Variants in PRKCH observed in about 807,000 individuals in gnomAD.
PRKCH encodes protein kinase C eta.
A neutral mutation model predicts 82.5 loss-of-function variants in PRKCH; 28 were observed. That is an observed-to-expected ratio of 0.34 (90% confidence interval 0.25 to 0.47). The LOEUF is 0.47. Among genes scored for constraint, PRKCH ranks in the 20% least tolerant of loss-of-function variants. The probability of loss-of-function intolerance (pLI) is 1.00; values close to 1 mark genes in which losing one functional copy is unlikely to be tolerated. For synonymous variants in PRKCH, 322 were observed against 327.4 expected (o/e 0.98, Z 0.18); for missense variants, 705 against 881.8 (o/e 0.80, Z 2.54).
At chr14:61,545,823 A>G (rs2043249026) in intron 12 of PRKCH, among the ~76,000 whole-genome samples, 1 of 152,194 alleles carries the variant, frequency 6.6e-6, no homozygotes. Flanking sequence ...GCTTGGGTTC[A>G]GTGCCAGGGG....
At chr14:61,331,671 A>G (rs1416332591) in intron 1 of PRKCH, among the ~76,000 whole-genome samples, 2 of 152,200 alleles carry the variant, frequency 1.3e-5, no homozygotes, top group Non-Finnish European at 2.9e-5. Flanking sequence ...TCTGGGTCCC[A>G]TTTCCCCGTT....
intron 1 of PRKCH, among the ~76,000 whole-genome samples, chr14:61,259,378 A>T (rs1330701225): frequency 2.6e-5 from 4 of 152,308 alleles, no homozygotes; most frequent in South Asian, 2.1e-4. Flanking sequence ...GAAGATCTTC[A>T]TTCACACTGA....
At chr14:61,406,301 A>AGGGTCAGGTTACAGTTTTTGTGTTAG (rs1555384095) in intron 2 of PRKCH, among the ~76,000 whole-genome samples, 76 of 152,158 alleles carry the variant, frequency 5.0e-4, no homozygotes, top group African/African-American at 1.5e-3. Flanking sequence ...TGCTGCGACA[A>AGGGTCAGGTTACAGTTTTTGTGTTAG]GGGTCAGGTT....
At chr14:61,477,157 C>T (rs1170328113) in intron 9 of PRKCH, 1 of 152,196 alleles carries the variant, frequency 6.6e-6, no homozygotes, top group African/African-American at 2.4e-5. Context: ...TCTCCTTTCC[C>T]CCAGCCGTCA....
At position 61,265,562 on chromosome 14, in the gene PRKCH, T is replaced by G. The variant is rs76120712; in HGVS notation, c.-19+77894T>G. Among the ~76,000 whole-genome samples the G allele has an allele frequency of 2.6e-3, 395 of 152,308 alleles. 3 individuals are homozygous for G. Among genetic ancestry groups the G allele is most frequent in the East Asian group, 0.02 (106 of 5,188 alleles). On this transcript the variant is annotated intron_variant, in intron 1 of 3. Coordinates refer to the PRKCH transcript ENST00000555185. ...TTTTCCAGGTCACATACTTAGGTAT[T>G]GGCAGAAAATGGACCATCACCCAGG...
At chr14:61,269,612 G>A (rs967211558) in intron 1 of PRKCH, among the ~76,000 whole-genome samples, 5 of 152,082 alleles carry the variant, frequency 3.3e-5, no homozygotes, top group Non-Finnish European at 5.9e-5. Context: ...GAGAACATGC[G>A]GTATTTGGTT....
At position 61,216,116 on chromosome 14, in the gene PRKCH, C is replaced by T. The variant is rs531101048; in HGVS notation, c.-19+28448C>T. ...TTCTCTTTACATTTATTTTGTTATT[C>T]AGATCCTAGCCACCTTTTGCTGTCA... On this transcript the variant is annotated intron_variant, in intron 1 of 3. Transcript: ENST00000555185. 3.3e-5 allele frequency among the ~76,000 whole-genome samples: 5 copies of T among 152,212 alleles called. No individual in the cohort carries two copies. The East Asian group carries it at 5.8e-4, about 18-fold the overall frequency.
rs78673621 is a variant in PRKCH at position 61,280,069 on chromosome 14, G to A, written c.-19+92401G>A. The A allele has an allele frequency of 1.8e-3, 2,818 of 1,584,172 alleles. 53 individuals carry two copies. In the African/African-American group the frequency reaches 0.033, roughly 19 times the overall value. On this transcript the variant is annotated intron_variant, in intron 1 of 3. Transcript: ENST00000555185. The surrounding 1 kb of genome is among the most constrained non-coding windows in gnomAD (Gnocchi z 5.0). The stretch of plus-strand genomic sequence containing the variant: ...TTGCAAGAGTTTTGGCAAGAAGCAG[G>A]AGGGATCCCTGGAAAGCCGGAATCA...
intron 1 of PRKCH, among the ~76,000 whole-genome samples, chr14:61,378,878 C>A (rs61686524): frequency 0.088 from 13,332 of 152,250 alleles, 704 homozygotes; most frequent in Non-Finnish European, 0.098. Flanking sequence ...GCTCAGGTCA[C>A]CACTGTCTTT....
At chr14:61,474,707 T>TA (rs1293778259) in intron 9 of PRKCH, among the ~76,000 whole-genome samples, 7 of 152,160 alleles carry the variant, frequency 4.6e-5, no homozygotes, top group African/African-American at 9.7e-5. Context: ...AAGTATAATT[T>TA]TAAAAAAATT....
chr14:61,453,739 G>A (rs541972181), intron 7 of PRKCH, among the ~76,000 whole-genome samples: 11 of 151,462 alleles, frequency 7.3e-5, no homozygotes, highest in African/African-American at 1.7e-4. Flanking sequence ...CTGCAGACTC[G>A]ACTGCCTAGG....
intron 2 of PRKCH, among the ~76,000 whole-genome samples, chr14:61,414,993 C>T (rs1054653257): frequency 2.6e-5 from 4 of 152,134 alleles, no homozygotes; most frequent in Admixed American, 6.5e-5. Flanking sequence ...GGCCTTTCAT[C>T]TGCAGGGACA....
intron 1 of PRKCH, among the ~76,000 whole-genome samples, chr14:61,259,312 T>C (rs1198179321): frequency 6.6e-6 from 1 of 152,244 alleles, no homozygotes; most frequent in Non-Finnish European, 1.5e-5. Context: ...CAGGGCTCTC[T>C]GATGACATTC....
chr14:61,200,430 A>G lies in PRKCH; in HGVS notation c.-19+12762A>G, dbSNP rs1418019322. ...GTGTGTTTGTGTGTTACAGGATATT[A>G]TAAGAATAGAATAGGGAATCTTCCA... On this transcript the variant is annotated intron_variant, in intron 1 of 3. Coordinates refer to the PRKCH transcript ENST00000555185. Among the ~76,000 whole-genome samples, 5 of 152,092 alleles carry G rather than the reference A, an allele frequency of 3.3e-5. No homozygotes were observed. In the East Asian group the frequency reaches 9.7e-4, roughly 29 times the overall value.
chr14:61,316,845 TG>T (rs2045565181), upstream of PRKCH, among the ~76,000 whole-genome samples: 2 of 152,168 alleles, frequency 1.3e-5, no homozygotes, highest in South Asian at 4.1e-4. Context: ...AAGTTGGGGC[TG>T]TTGATGACCA....
At chr14:61,381,965 G>A (rs1050507274) in intron 1 of PRKCH, among the ~76,000 whole-genome samples, 2 of 152,186 alleles carry the variant, frequency 1.3e-5, no homozygotes, top group African/African-American at 2.4e-5. Flanking sequence ...CTTGACCTTC[G>A]CTGTTTGTGT....
chr14:61,249,437 A>T (rs1016188157), intron 1 of PRKCH, among the ~76,000 whole-genome samples: 22 of 152,064 alleles, frequency 1.4e-4, no homozygotes, highest in Non-Finnish European at 1.5e-5. Context: ...ACATATACTT[A>T]AAAAAACATT....
chr14:61,507,726 A>G (rs1233558720), intron 10 of PRKCH, among the ~76,000 whole-genome samples: 2 of 152,112 alleles, frequency 1.3e-5, no homozygotes, highest in African/African-American at 4.8e-5. Context: ...AATAGTCAAA[A>G]TCATAGAAGC....
rs372242051 is a variant in PRKCH at position 61,295,545 on chromosome 14, G to A, written c.-19+107877G>A. Among the ~76,000 whole-genome samples the A allele has an allele frequency of 9.2e-5, 14 of 152,294 alleles. No homozygotes were observed. In the South Asian group the frequency reaches 2.7e-3, roughly 29 times the overall value. ...AATTTTGTTTCTCCTGAGCGGCAACGTGGAATAGTAACATGAAGGATGGTA... is the reference window on the plus strand; with the variant it reads ...AATTTTGTTTCTCCTGAGCGGCAACATGGAATAGTAACATGAAGGATGGTA... On this transcript the variant is annotated intron_variant, in intron 1 of 3. Transcript: ENST00000555185.
Sources: gnomAD v4.1 joint callset for allele counts (sites outside exome capture counted in the v4.1 genomes callset) on GRCh38, gnomAD v4.1.1 for gene constraint, Gnocchi (gnomAD v3.1) non-coding constraint, MANE v1.5 for transcripts, NCBI Gene and HGNC (gene_info 2026-07-23, HGNC 2026-07-21) for gene names.